LRMDA: variants seen among roughly 807,000 people sequenced by gnomAD.
LRMDA encodes leucine-rich melanocyte differentiation-associated protein.
A neutral mutation model predicts 29.8 loss-of-function variants in LRMDA; 18 were observed. That is an observed-to-expected ratio of 0.60 (90% CI 0.42 to 0.90). LRMDA has a LOEUF of 0.90. LRMDA is among the 40% of genes least tolerant of loss of function. The pLI is 0.00. For synonymous variants in LRMDA, 125 were observed against 109.4 expected (o/e 1.14, Z -0.89); for missense variants, 273 against 273.9 (o/e 1.00, Z 0.02).
At chr10:75,582,312 T>C (rs1840604255) in intron 2 of LRMDA, among the ~76,000 whole-genome samples, 1 of 152,254 alleles carries the variant, frequency 6.6e-6, no homozygotes, top group African/African-American at 2.4e-5. Flanking sequence ...ATCCAGGCTT[T>C]TGCATATATG....
chr10:75,725,199 C>T (rs958731634), intron 2 of LRMDA, among the ~76,000 whole-genome samples: 4 of 152,090 alleles, frequency 2.6e-5, no homozygotes, highest in African/African-American at 7.2e-5. Context: ...GAATCCAATC[C>T]CCTTTTTTCC....
intron 2 of LRMDA, among the ~76,000 whole-genome samples, chr10:75,459,277 A>T (rs1211653405): frequency 6.6e-6 from 1 of 152,198 alleles, no homozygotes; most frequent in Non-Finnish European, 1.5e-5. Context: ...CCCTACAAAA[A>T]ATTTAAAAAT....
At position 75,558,155 on chromosome 10, in the gene LRMDA, A is replaced by ATT. The variant is rs11292875; in HGVS notation, c.131+119679_131+119680dup. ...AAATTAGGTGATTGTCAGTGGTATGATTTTTTTTTTTTTTTTTTTGGTCCT... is the reference window on the plus strand; with the variant it reads ...AAATTAGGTGATTGTCAGTGGTATGATTTTTTTTTTTTTTTTTTTTTGGTCCT... On this transcript the variant is annotated intron_variant, in intron 2 of 6. Coordinates refer to ENST00000611255, the MANE Select transcript of LRMDA (RefSeq NM_001305581.2). Among the ~76,000 whole-genome samples, 80 of 132,386 alleles carry ATT rather than the reference A, an allele frequency of 6.0e-4. No homozygotes were observed. In the South Asian group the frequency reaches 9.3e-3, roughly 15 times the overall value. The allele number at this position is 132,386 out of a possible 152,430, so 86.9% of individuals were successfully genotyped here.
At chr10:76,272,887 A>C (rs1008327529) in intron 5 of LRMDA, among the ~76,000 whole-genome samples, 6 of 152,166 alleles carry the variant, frequency 3.9e-5, no homozygotes, top group African/African-American at 1.4e-4. Flanking sequence ...CTCTTACGAG[A>C]ACTCACTCAC....
rs114948034 is a variant in LRMDA, at chr10:76,206,204, A to G, written c.517-118197A>G. 9.1e-3 allele frequency among the ~76,000 whole-genome samples: 1,392 copies of G among 152,232 alleles called. 22 individuals carry two copies. The highest frequency in any genetic ancestry group is 0.032 in the African/African-American group (1,340 of 41,530). On this transcript the variant is annotated intron_variant, in intron 5 of 6. Transcript: ENST00000611255. ...CTCATCTCCAGCTACTAACCGTTCTATCCACCCTGACCCTCTCACTGTTCT... is the reference window on the plus strand; with the variant it reads ...CTCATCTCCAGCTACTAACCGTTCTGTCCACCCTGACCCTCTCACTGTTCT...
intron 2 of LRMDA, among the ~76,000 whole-genome samples, chr10:76,020,085 C>G (rs1847947135): frequency 6.6e-6 from 1 of 152,186 alleles, no homozygotes; most frequent in African/African-American, 2.4e-5. Context: ...TAGTGTTTTC[C>G]TGGATGCTGC....
chr10:76,007,033 C>CGTGTGT (rs1223969205), intron 2 of LRMDA, among the ~76,000 whole-genome samples: 4 of 31,672 alleles, frequency 1.3e-4, no homozygotes, highest in South Asian at 1.0e-3. Context: ...TGTGTGTGTG[C>CGTGTGT]GCGTGTGTGT....
At chr10:76,495,238 G>A (rs1450990733) in intron 6 of LRMDA, among the ~76,000 whole-genome samples, 2 of 73,740 alleles carry the variant, frequency 2.7e-5, no homozygotes, top group Admixed American at 2.4e-4. Flanking sequence ...GCTGATGAAT[G>A]TCCAGCTGCC....
intron 2 of LRMDA, among the ~76,000 whole-genome samples, chr10:76,018,759 G>A (rs1564631579): frequency 1.3e-5 from 2 of 151,936 alleles, no homozygotes; most frequent in Non-Finnish European, 2.9e-5. Flanking sequence ...GTAGAGACAG[G>A]GTTTCGCCAT....
chr10:76,159,425 T>C (rs1032187380), intron 5 of LRMDA, among the ~76,000 whole-genome samples: 3 of 152,286 alleles, frequency 2.0e-5, no homozygotes, highest in Non-Finnish European at 2.9e-5. Context: ...CTCTCATTCA[T>C]CTCTGGAGGG....
chr10:76,204,140 A>G lies in LRMDA; in HGVS notation c.517-120261A>G, dbSNP rs1411141775. ...CATCTCTCCATGTGCCCGTCCACCC[A>G]TCTCTATTCCATGTGCCCATCCACC... is the stretch of plus-strand genomic sequence containing the variant. On this transcript the variant is annotated intron_variant, in intron 5 of 6. Transcript: ENST00000611255. Among the ~76,000 whole-genome samples, 3 of 136,862 alleles carry G rather than the reference A, an allele frequency of 2.2e-5. No individual in the cohort carries two copies. The Admixed American group carries it at 2.2e-4, about 10-fold the overall frequency. 89.8% of individuals were successfully genotyped at this position (136,862 alleles called of 152,430 possible).
chr10:76,490,248 A>G (rs1842819533), intron 6 of LRMDA, among the ~76,000 whole-genome samples: 1 of 152,032 alleles, frequency 6.6e-6, no homozygotes, highest in Non-Finnish European at 1.5e-5. Context: ...TCTGAGAAGA[A>G]TGTGTGTTCT....
intron 2 of LRMDA, among the ~76,000 whole-genome samples, chr10:75,508,868 C>T (rs1007025532): frequency 1.3e-5 from 2 of 152,164 alleles, no homozygotes; most frequent in African/African-American, 4.8e-5. Context: ...AACAGTCCCC[C>T]AGCAATTTAT....
chr10:76,291,525 G>A (rs1258814970), intron 5 of LRMDA, among the ~76,000 whole-genome samples: 2 of 152,178 alleles, frequency 1.3e-5, no homozygotes, highest in African/African-American at 4.8e-5. Context: ...GAAGGCCCAA[G>A]GGGTGGGATG....
intron 6 of LRMDA, among the ~76,000 whole-genome samples, chr10:76,520,063 C>T (rs1276961496): frequency 2.0e-5 from 3 of 152,132 alleles, no homozygotes; most frequent in African/African-American, 2.4e-5. Flanking sequence ...AGTCTCTAAT[C>T]GTTTGTGGTG....
At chr10:75,833,214 A>C (rs1844376676) in intron 2 of LRMDA, among the ~76,000 whole-genome samples, 1 of 152,156 alleles carries the variant, frequency 6.6e-6, no homozygotes, top group South Asian at 2.1e-4. Context: ...CAGTTATCCT[A>C]TTTCTGGCAT....
At chr10:75,985,118 T>G (rs1485365703) in intron 2 of LRMDA, among the ~76,000 whole-genome samples, 1 of 152,092 alleles carries the variant, frequency 6.6e-6, no homozygotes, top group East Asian at 1.9e-4. Context: ...TAGCAGAACT[T>G]CTCATATTTA....
At chr10:75,529,817 T>C (rs1415171489) in intron 2 of LRMDA, among the ~76,000 whole-genome samples, 1 of 152,204 alleles carries the variant, frequency 6.6e-6, no homozygotes, top group Non-Finnish European at 1.5e-5. Flanking sequence ...AAATATGGTC[T>C]AACTCAAATA....
At chr10:76,271,835 G>T (rs1183399843) in intron 5 of LRMDA, among the ~76,000 whole-genome samples, 1 of 152,052 alleles carries the variant, frequency 6.6e-6, no homozygotes, top group South Asian at 2.1e-4. Flanking sequence ...ACTTCCCCTC[G>T]CCTTCTTGTG....
Sources: allele counts gnomAD v4.1 joint callset (sites outside exome capture counted in the v4.1 genomes callset), GRCh38; gene constraint gnomAD v4.1.1; transcripts MANE v1.5; gene names NCBI Gene and HGNC (gene_info 2026-07-23, HGNC 2026-07-21).